The following FNIP1 variants were observed in gnomAD, a reference collection of about 807,000 sequenced individuals.
FNIP1 encodes folliculin-interacting protein 1.
FNIP1 carries 40 observed loss-of-function variants against 124.5 expected under a neutral mutation model. That is an observed-to-expected ratio of 0.32 (90% CI 0.25 to 0.42). The LOEUF (loss-of-function observed/expected upper bound fraction) is 0.42, where lower values mean the gene tolerates loss of function less well. Ranked by LOEUF, FNIP1 falls within the 10% of genes least tolerant of loss-of-function variation. The probability of loss-of-function intolerance (pLI) is 1.00; values close to 1 mark genes in which losing one functional copy is unlikely to be tolerated. For missense variants in FNIP1, 1,176 were observed against 1,403.7 expected, an observed-to-expected ratio of 0.84 and a Z score of 2.59; for synonymous variants, 472 against 470.6, an observed-to-expected ratio of 1.00 and a Z score of -0.04.
chr5:131,796,566 G>T, intron 1 of FNIP1: 1 of 519,636 alleles, frequency 1.9e-6, no homozygotes, highest in Non-Finnish European at 3.4e-6. Flanking sequence ...GAGCAGAGTC[G>T]CGCGTGGCTG....
intron 1 of FNIP1, among the ~76,000 whole-genome samples, chr5:131,759,918 T>C (rs974141945): frequency 6.6e-6 from 1 of 152,148 alleles, no homozygotes; most frequent in Non-Finnish European, 1.5e-5. Context: ...TAAAAAAGAA[T>C]GAAATCATGT....
intron 1 of FNIP1, among the ~76,000 whole-genome samples, chr5:131,745,780 C>G (rs1005722331): frequency 1.3e-5 from 2 of 152,178 alleles, no homozygotes; most frequent in Non-Finnish European, 2.9e-5. Flanking sequence ...GACTCACACA[C>G]ACACAGATAG....
chr5:131,648,218 G>A lies in FNIP1; in HGVS notation c.3307-1013C>T, dbSNP rs1377983940. 4.8e-5 allele frequency among the ~76,000 whole-genome samples: 7 copies of A among 146,394 alleles called. No individual in the cohort carries two copies. The South Asian group carries it at 6.6e-4, about 14-fold the overall frequency. On this transcript the variant is annotated intron_variant, in intron 16 of 17. Transcript: ENST00000510461. ...AAGAATTAGCCGAGCATGGTGGCAC[G>A]TGCCTGTAGTCTTAGCTACTTGAGC...
chr5:131,719,561 G>T, intron 3 of FNIP1, 144 bp from the exon 4 acceptor site: 1 of 629,254 alleles, frequency 1.6e-6, no homozygotes, highest in Non-Finnish European at 2.5e-6. Flanking sequence ...TCTGCAACTC[G>T]ATTTTCTTCC....
At chr5:131,653,264 G>A (rs537127550) in intron 15 of FNIP1, among the ~76,000 whole-genome samples, 1 of 152,026 alleles carries the variant, frequency 6.6e-6, no homozygotes, top group Non-Finnish European at 1.5e-5. Context: ...CAGGCTGGGC[G>A]TGGTAGTTCA....
intron 11 of FNIP1, among the ~76,000 whole-genome samples, chr5:131,697,138 A>T (rs897344645): frequency 6.6e-6 from 1 of 152,198 alleles, no homozygotes; most frequent in African/African-American, 2.4e-5. Context: ...CCATTTAAAC[A>T]AACAACAATC....
intron 1 of FNIP1, among the ~76,000 whole-genome samples, chr5:131,795,100 T>A (rs2149593439): frequency 6.6e-6 from 1 of 152,378 alleles, no homozygotes; most frequent in African/African-American, 2.4e-5. Flanking sequence ...TTCCTTCAGA[T>A]ATGCCTATTC....
At chr5:131,738,260 T>G (rs897360864) in intron 2 of FNIP1, among the ~76,000 whole-genome samples, 17 of 152,196 alleles carry the variant, frequency 1.1e-4, no homozygotes, top group Admixed American at 3.9e-4. Context: ...AATTTGTATA[T>G]CAACGCTCAG....
chr5:131,670,403 G>T, intron 15 of FNIP1, 60 bp downstream of exon 15: 1 of 1,416,214 alleles, frequency 7.1e-7, no homozygotes, highest in Non-Finnish European at 9.3e-7. Context: ...GGCAATTTTG[G>T]GTTCTGCTGC....
At position 131,769,779 on chromosome 5, in the gene FNIP1, G is replaced by A. The variant is rs184173465; in HGVS notation, c.93-25089C>T. 4.8e-3 allele frequency among the ~76,000 whole-genome samples: 728 copies of A among 150,874 alleles called. 5 individuals are homozygous for A. The highest frequency in any genetic ancestry group is 0.017 in the African/African-American group (691 of 40,240). On this transcript the variant is annotated intron_variant, in intron 1 of 17. Coordinates refer to ENST00000510461, the MANE Select transcript of FNIP1 (RefSeq NM_133372.3). ...TAACATCCTGCTTTTTTGTTTCACT[G>A]AAGAGTCTGGGATTTTTACAGAAGC...
At chr5:131,760,387 G>A (rs899895175) in intron 1 of FNIP1, among the ~76,000 whole-genome samples, 17 of 152,044 alleles carry the variant, frequency 1.1e-4, no homozygotes, top group Admixed American at 3.9e-4. Flanking sequence ...GGAAAATACC[G>A]AAATAATTCA....
chr5:131,696,489 C>T (rs73268231), intron 11 of FNIP1, among the ~76,000 whole-genome samples: 3,387 of 151,806 alleles, frequency 0.022, 102 homozygotes, highest in African/African-American at 0.072. Flanking sequence ...TTTCAGTGTC[C>T]CAAAATGAAA....
chr5:131,756,127 G>A (rs1353947560), intron 1 of FNIP1, among the ~76,000 whole-genome samples: 1 of 152,174 alleles, frequency 6.6e-6, no homozygotes, highest in Non-Finnish European at 1.5e-5. Context: ...GCAATTTGGT[G>A]TCTTTGGTAC....
intron 5 of FNIP1, among the ~76,000 whole-genome samples, chr5:131,718,115 C>A (rs1769532120): frequency 1.3e-5 from 2 of 151,606 alleles, no homozygotes; most frequent in Middle Eastern, 3.2e-3. Flanking sequence ...TCGCTTGAAC[C>A]CAGGACAGAG....
intron 1 of FNIP1, among the ~76,000 whole-genome samples, chr5:131,776,817 G>A (rs1453745728): frequency 1.3e-5 from 2 of 152,158 alleles, no homozygotes; most frequent in African/African-American, 2.4e-5. Flanking sequence ...CACTGGTAAC[G>A]GTTTGCTTGT....
In FNIP1 at chr5:131,775,950, T is replaced by G. The variant is rs563830322; in HGVS notation, c.92+20880A>C. 3.3e-5 allele frequency among the ~76,000 whole-genome samples: 5 copies of G among 152,340 alleles called. 1 individual carries two copies. In the South Asian group the frequency reaches 1.0e-3, roughly 32 times the overall value. On this transcript the variant is annotated intron_variant, in intron 1 of 17. Transcript: ENST00000510461. ...TACTTTCTCTTACCTTTTAAATCTG[T>G]GTTTATAGATATGCCACATTTTTAA...
At chr5:131,778,443 G>T (rs182993577) in intron 1 of FNIP1, among the ~76,000 whole-genome samples, 2 of 151,168 alleles carry the variant, frequency 1.3e-5, no homozygotes, top group Non-Finnish European at 2.9e-5. Flanking sequence ...AAACCACTAT[G>T]AGATATCATC....
intron 3 of FNIP1, among the ~76,000 whole-genome samples, chr5:131,726,057 G>T (rs549164917): frequency 1.3e-5 from 2 of 152,266 alleles, no homozygotes; most frequent in Admixed American, 1.3e-4. Context: ...CTTGATCGTG[G>T]TGGATAGGCT....
chr5:131,649,668 T>A (rs909957178), intron 16 of FNIP1, among the ~76,000 whole-genome samples: 1 of 152,154 alleles, frequency 6.6e-6, no homozygotes, highest in Admixed American at 6.6e-5. Flanking sequence ...AATTTATCTA[T>A]TTTTTTACTT....
Sources: allele counts gnomAD v4.1 joint callset (sites outside exome capture counted in the v4.1 genomes callset), GRCh38; gene constraint gnomAD v4.1.1; transcripts MANE v1.5; gene names NCBI Gene and HGNC (gene_info 2026-07-23, HGNC 2026-07-21).